The following GRIN2A variants were observed in gnomAD, a reference collection of about 807,000 sequenced individuals.
The protein encoded by GRIN2A is glutamate receptor ionotropic, NMDA 2A.
A neutral mutation model predicts 113.4 loss-of-function variants in GRIN2A; 22 were observed. The ratio of observed to expected loss-of-function variants is 0.19; its 90% confidence interval spans 0.14 to 0.28. The LOEUF (loss-of-function observed/expected upper bound fraction) is 0.28. Ranked by LOEUF, GRIN2A falls within the 10% of genes least tolerant of loss-of-function variation. GRIN2A has a pLI of 1.00. For missense variants in GRIN2A, 1,502 were observed against 1,887.0 expected, an observed-to-expected ratio of 0.80 and a Z score of 3.78; for synonymous variants, 827 against 738.4, an observed-to-expected ratio of 1.12 and a Z score of -1.94.
intron 2 of GRIN2A, among the ~76,000 whole-genome samples, chr16:10,057,105 C>CCATT (rs1356850160): frequency 1.3e-4 from 20 of 151,650 alleles, no homozygotes; most frequent in Middle Eastern, 3.4e-3. Context: ...ATCTATCCAC[C>CCATT]CATCCATCCA....
chr16:10,037,271 T>C (rs1441916511), intron 2 of GRIN2A: 4 of 152,192 alleles, frequency 2.6e-5, no homozygotes, highest in East Asian at 1.9e-4. Context: ...TTTCTTCTTC[T>C]TGAAATATAA....
intron 2 of GRIN2A, among the ~76,000 whole-genome samples, chr16:10,176,729 T>A (rs984923307): frequency 6.6e-6 from 1 of 150,766 alleles, no homozygotes; most frequent in African/African-American, 2.4e-5. Context: ...TGGATAGCAC[T>A]AGGAGATATA....
chr16:9,818,161 G>A (rs2042218972), intron 10 of GRIN2A, among the ~76,000 whole-genome samples: 1 of 152,002 alleles, frequency 6.6e-6, no homozygotes, highest in African/African-American at 2.4e-5. Context: ...GCCTGTGAGT[G>A]TGGTGACGTG....
chr16:10,120,604 G>C (rs1475208514), intron 2 of GRIN2A, among the ~76,000 whole-genome samples: 1 of 151,896 alleles, frequency 6.6e-6, no homozygotes. Context: ...TACAAGGGGG[G>C]TGGATGCAGG....
In GRIN2A at chr16:9,763,218, G is replaced by T; in HGVS notation, c.4326C>A (p.Pro1442=). The T allele has an allele frequency of 1.9e-6, 3 of 1,613,822 alleles. No homozygotes were observed. The highest frequency in any genetic ancestry group is 2.5e-6 in the Non-Finnish European group (3 of 1,179,726). Residue 1442 remains proline (P), a synonymous_variant, in exon 13 of 13, where the codon CCC becomes CCA. Transcript: ENST00000330684. ...TATTGCTGCAGGAATTTAAAACCCTGGGGGTAGAGTACATATTATTCTTAT... is the reference window on the plus strand; with the variant it reads ...TATTGCTGCAGGAATTTAAAACCCTTGGGGTAGAGTACATATTATTCTTAT... ...AANKNNMYST[P]RVLNSCSNRR...
At chr16:9,809,020 C>T (rs1438096439) in intron 10 of GRIN2A, among the ~76,000 whole-genome samples, 1 of 152,102 alleles carries the variant, frequency 6.6e-6, no homozygotes, top group Non-Finnish European at 1.5e-5. Flanking sequence ...AAATGGAAAG[C>T]TCTCCAAAAC....
At chr16:10,112,421 C>G in intron 2 of GRIN2A, 1 of 733,264 alleles carries the variant, frequency 1.4e-6, no homozygotes, top group Non-Finnish European at 2.5e-6. Flanking sequence ...CTGCTGTGTA[C>G]AAGGTGGCCA....
At chr16:10,079,852 A>G (rs2047945319) in intron 2 of GRIN2A, among the ~76,000 whole-genome samples, 1 of 152,232 alleles carries the variant, frequency 6.6e-6, no homozygotes, top group Admixed American at 6.5e-5. Context: ...GAAGGTTGCT[A>G]TGATAACGCA....
At chr16:9,827,708 G>A (rs1268133053) in intron 9 of GRIN2A, among the ~76,000 whole-genome samples, 1 of 152,172 alleles carries the variant, frequency 6.6e-6, no homozygotes, top group Admixed American at 6.5e-5. Flanking sequence ...AGCACAGAAA[G>A]GTGGGGCTGG....
intron 4 of GRIN2A, among the ~76,000 whole-genome samples, chr16:9,878,856 C>T: frequency 1.5e-5 from 1 of 68,452 alleles, no homozygotes; most frequent in East Asian, 2.6e-4. Flanking sequence ...CAGTGCAAGA[C>T]ACACACACAC....
intron 2 of GRIN2A, among the ~76,000 whole-genome samples, chr16:10,154,546 T>A (rs1181292174): frequency 6.6e-6 from 1 of 152,222 alleles, no homozygotes. Flanking sequence ...CCCTGAACTG[T>A]GTGCCTGGGT....
At position 9,840,636 on chromosome 16, in the gene GRIN2A, A is replaced by T. The variant is rs1197305641; in HGVS notation, c.1651+11T>A. ...TATAGGAAAGCAATAGTCACTATGA[A>T]ATTCACACACCTAGAAAAGCAGAAG... is the stretch of plus-strand genomic sequence containing the variant. On this transcript the variant is annotated intron_variant, in intron 7 of 12. Coordinates refer to ENST00000330684, the MANE Select transcript of GRIN2A (RefSeq NM_001134407.3). 2.5e-6 allele frequency: 4 copies of T among 1,611,894 alleles called. No homozygotes were observed. Among genetic ancestry groups the T allele is most frequent in the Middle Eastern group, 1.6e-4 (1 of 6,082 alleles).
chr16:9,910,834 A>G (rs549471161), intron 3 of GRIN2A, among the ~76,000 whole-genome samples: 1 of 152,210 alleles, frequency 6.6e-6, no homozygotes, highest in Admixed American at 6.5e-5. Flanking sequence ...CACTGCACCC[A>G]GCCTTAGAGT....
chr16:9,764,247 A>G lies in GRIN2A; in HGVS notation c.3297T>C (p.Ser1099=). The G allele has an allele frequency of 6.2e-7, 1 of 1,613,802 alleles. No individual in the cohort carries two copies. Among genetic ancestry groups the G allele is most frequent in the South Asian group, 1.1e-5 (1 of 91,048 alleles). ...TTTTCAGGTAGGTGCGCTCGACCTC[A>G]CTACAGTCCTTGGGGTATTTGGAGG... The part of the protein sequence containing the change: ...SVASKYPKDC[S]EVERTYLKTK... Residue 1099 remains serine (S), a synonymous_variant, in exon 13 of 13, where the codon AGT becomes AGC. Transcript: ENST00000330684.
chr16:9,859,505 C>T (rs942371933), intron 4 of GRIN2A, among the ~76,000 whole-genome samples: 1 of 151,788 alleles, frequency 6.6e-6, no homozygotes, highest in African/African-American at 2.4e-5. Flanking sequence ...TATACAGGTA[C>T]ATTCATGCCT....
intron 2 of GRIN2A, among the ~76,000 whole-genome samples, chr16:10,047,652 C>A (rs1447572725): frequency 6.6e-6 from 1 of 152,228 alleles, no homozygotes; most frequent in Non-Finnish European, 1.5e-5. Flanking sequence ...CCAGCACCTT[C>A]ATCTTTGTAG....
intron 2 of GRIN2A, among the ~76,000 whole-genome samples, chr16:10,078,850 C>CTGAA (rs1296700821): frequency 1.3e-5 from 2 of 152,194 alleles, no homozygotes; most frequent in African/African-American, 4.8e-5. Context: ...AGGGAGCATG[C>CTGAA]TGACTGACTG....
intron 11 of GRIN2A, among the ~76,000 whole-genome samples, chr16:9,769,655 T>C (rs547807114): frequency 3.3e-5 from 5 of 152,090 alleles, no homozygotes; most frequent in South Asian, 2.1e-4. Flanking sequence ...GTCTGTGAAA[T>C]AGGCATAATA....
chr16:9,761,981 G>A lies in GRIN2A; in HGVS notation c.*1168C>T, dbSNP rs1221789926. On this transcript the variant is annotated 3_prime_UTR_variant, in exon 13 of 13. Transcript: ENST00000330684. Reference sequence around the variant, plus strand: ...GTGTTTTGAAGGCTTTTGATTTGAGGAGTTTGGGGTGGAAGTGAGTGTCCA... The same window carrying A: ...GTGTTTTGAAGGCTTTTGATTTGAGAAGTTTGGGGTGGAAGTGAGTGTCCA... 5.0e-6 allele frequency: 1 copy of A among 200,280 alleles called. No individual in the cohort carries two copies. Among genetic ancestry groups the A allele is most frequent in the African/African-American group, 2.3e-5 (1 of 43,476 alleles). The allele number at this position is 200,280 out of a possible 1,614,324, so 12.4% of individuals were successfully genotyped here. A position where few individuals can be genotyped will look rare whatever the true frequency, so the allele number is the denominator to read the frequency against.
Sources: gnomAD v4.1 joint callset for allele counts (sites outside exome capture counted in the v4.1 genomes callset) on GRCh38, gnomAD v4.1.1 for gene constraint, MANE v1.5 for transcripts, NCBI Gene and HGNC (gene_info 2026-07-23, HGNC 2026-07-21) for gene names.